Variants in AHCTF1 observed in about 807,000 individuals in gnomAD.
AHCTF1 encodes the protein AT-hook containing transcription factor 1.
A neutral mutation model predicts 248.4 loss-of-function variants in AHCTF1; 24 were observed. The ratio of observed to expected loss-of-function variants is 0.10; its 90% confidence interval spans 0.07 to 0.14. AHCTF1 has a LOEUF of 0.14. AHCTF1 is among the 10% of genes least tolerant of loss of function. The pLI is 1.00. For synonymous variants in AHCTF1, 786 were observed against 929.8 expected (o/e 0.85, Z 2.81); for missense variants, 2,206 against 2,636.2 (o/e 0.84, Z 3.57).
chr1:246,857,799 G>A lies in AHCTF1; in HGVS notation c.4148C>T (p.Ala1383Val). 3 of 1,611,300 alleles carry A rather than the reference G, an allele frequency of 1.9e-6. No homozygotes were observed. Among genetic ancestry groups the A allele is most frequent in the Non-Finnish European group, 2.5e-6 (3 of 1,177,912 alleles). Residue 1383 changes from alanine (A) to valine (V), a missense_variant, in exon 30 of 36, where the codon GCA becomes GTA. Transcript: ENST00000648844. ...LQKQMGNLED[A>V]ETKDLLVAAE... ...TGCAACTAAGAGATCCTTTGTTTCTGCATCTTCTAAATTGCCTATAAGTCA... is the reference window on the plus strand; with the variant it reads ...TGCAACTAAGAGATCCTTTGTTTCTACATCTTCTAAATTGCCTATAAGTCA...
At chr1:246,894,390 G>A (rs1572427847) in intron 14 of AHCTF1, among the ~76,000 whole-genome samples, 1 of 152,226 alleles carries the variant, frequency 6.6e-6, no homozygotes, top group Non-Finnish European at 1.5e-5. Flanking sequence ...GGCTAACACG[G>A]TGAAACCCCG....
rs80056231 is a variant in AHCTF1 at position 246,931,053 on chromosome 1, G to T, written c.-8+525C>A. 5.1e-3 allele frequency: 7,738 copies of T among 1,525,488 alleles called. 353 individuals carry two copies. In the African/African-American group the frequency reaches 0.096, roughly 19 times the overall value. The allele number at this position is 1,525,488 out of a possible 1,614,324, so 94.5% of individuals were successfully genotyped here. Reference sequence around the variant, plus strand: ...ATGTGCTTTTATTTTAAATCTCCTTGATCTGACCAATCGGGTGAGCTGGAA... The same window carrying T: ...ATGTGCTTTTATTTTAAATCTCCTTTATCTGACCAATCGGGTGAGCTGGAA... On this transcript the variant is annotated intron_variant, in intron 1 of 35. Coordinates refer to ENST00000648844, the MANE Select transcript of AHCTF1 (RefSeq NM_001323342.2).
Position 246,877,142 on chromosome 1 carries a change from A to G in AHCTF1, c.2805+16T>C, listed in dbSNP as rs372609681. ...TATCTTGAATTTCTGACAAGTTTAC[A>G]TCGGTAAGTAATTACCTGCTCAGTG... On this transcript the variant is annotated intron_variant, in intron 22 of 35. Coordinates refer to ENST00000648844, the MANE Select transcript of AHCTF1 (RefSeq NM_001323342.2). 5.6e-6 allele frequency: 9 copies of G among 1,612,648 alleles called. No homozygotes were observed. In the Admixed American group the frequency reaches 1.0e-4, roughly 18 times the overall value.
intron 28 of AHCTF1, among the ~76,000 whole-genome samples, chr1:246,861,637 T>TA (rs1175567222): frequency 6.6e-6 from 1 of 151,934 alleles, no homozygotes; most frequent in African/African-American, 2.4e-5. Flanking sequence ...CAATATAAGG[T>TA]AAAAACAAAG....
chr1:246,868,311 G>A (rs1198177475), intron 24 of AHCTF1, among the ~76,000 whole-genome samples: 1 of 151,944 alleles, frequency 6.6e-6, no homozygotes, highest in Admixed American at 6.6e-5. Flanking sequence ...CTAAAGTAAA[G>A]GGTTTCACCA....
intron 1 of AHCTF1, among the ~76,000 whole-genome samples, chr1:246,923,095 A>C (rs546723316): frequency 1.4e-5 from 2 of 141,736 alleles, no homozygotes; most frequent in East Asian, 4.1e-4. Flanking sequence ...GAAGTTATTT[A>C]ATCAAATAAT....
intron 24 of AHCTF1, among the ~76,000 whole-genome samples, chr1:246,871,266 T>A (rs1240949927): frequency 6.6e-6 from 1 of 152,160 alleles, no homozygotes; most frequent in East Asian, 1.9e-4. Context: ...GGTCCTCAGT[T>A]ATCCAGAGTG....
intron 1 of AHCTF1, among the ~76,000 whole-genome samples, chr1:246,923,857 G>A (rs73146606): frequency 6.6e-6 from 1 of 152,238 alleles, no homozygotes; most frequent in African/African-American, 2.4e-5. Flanking sequence ...TGAAATGAAG[G>A]GGGAAATAGA....
intron 33 of AHCTF1, among the ~76,000 whole-genome samples, chr1:246,845,045 AG>A (rs957894770): frequency 2.2e-4 from 34 of 152,208 alleles, no homozygotes; most frequent in African/African-American, 7.0e-4. Context: ...AATGTGTGGC[AG>A]GGTAGGTGGT....
intron 29 of AHCTF1, among the ~76,000 whole-genome samples, chr1:246,860,588 T>C: frequency 6.6e-6 from 1 of 152,182 alleles, no homozygotes; most frequent in South Asian, 2.1e-4. Flanking sequence ...TCTTGCTCTG[T>C]CACGCAGGCT....
intron 13 of AHCTF1, 152 bp from the exon 14 acceptor site, chr1:246,894,900 C>T (rs1664462949): frequency 3.1e-6 from 2 of 640,734 alleles, no homozygotes; most frequent in Admixed American, 2.7e-5. Context: ...TTTCTCAGTG[C>T]ACCACACCAC....
At position 246,903,811 on chromosome 1, in the gene AHCTF1, C is replaced by G. The variant is rs1024873580; in HGVS notation, c.966+138G>C. On this transcript the variant is annotated intron_variant, in intron 7 of 35. Transcript: ENST00000648844. ...CAAGATTGCACCACTGCACTCCAGC[C>G]TGGGCGACAGAGCGAGACTCTGTCT... is the stretch of plus-strand genomic sequence containing the variant. The G allele has an allele frequency of 2.3e-5, 16 of 698,206 alleles. No individual in the cohort carries two copies. The South Asian group carries it at 2.7e-4, about 12-fold the overall frequency. The allele number at this position is 698,206 out of a possible 1,614,324, so 43.3% of individuals were successfully genotyped here. A position where few individuals can be genotyped will look rare whatever the true frequency, so the allele number is the denominator to read the frequency against.
chr1:246,852,440 A>G (rs1188032610), intron 32 of AHCTF1, among the ~76,000 whole-genome samples: 2 of 152,130 alleles, frequency 1.3e-5, no homozygotes, highest in African/African-American at 4.8e-5. Flanking sequence ...AAAATTTATT[A>G]CATAAAAGTT....
intron 13 of AHCTF1, 104 bp downstream of exon 13, chr1:246,895,731 T>A (rs1413661034): frequency 1.1e-6 from 1 of 934,786 alleles, no homozygotes; most frequent in Non-Finnish European, 1.6e-6. Context: ...TGCATGTGGA[T>A]CTTCAATTAT....
intron 11 of AHCTF1, among the ~76,000 whole-genome samples, chr1:246,898,825 C>A (rs879377607): frequency 1.6e-4 from 25 of 152,228 alleles, no homozygotes; most frequent in Non-Finnish European, 3.4e-4. Flanking sequence ...CGGTGGCTCA[C>A]GCTCATAATC....
At chr1:246,913,892 A>C (rs1665973199) in intron 3 of AHCTF1, among the ~76,000 whole-genome samples, 1 of 152,196 alleles carries the variant, frequency 6.6e-6, no homozygotes, top group South Asian at 2.1e-4. Flanking sequence ...AGTAAAAACT[A>C]ATCATTCCAG....
At chr1:246,865,112 G>A (rs1661873450) in intron 26 of AHCTF1, 1 of 152,126 alleles carries the variant, frequency 6.6e-6, no homozygotes, top group African/African-American at 2.4e-5. Flanking sequence ...CAAAAGTCGG[G>A]TTTTCAGGTG....
intron 1 of AHCTF1, among the ~76,000 whole-genome samples, chr1:246,923,108 C>CAAAA (rs34474643): frequency 1.8e-5 from 2 of 111,894 alleles, no homozygotes; most frequent in African/African-American, 3.3e-5. Context: ...CAAATAATAC[C>CAAAA]AAAAAAAAAA....
chr1:246,878,396 C>CAAAA (rs1199465751), intron 21 of AHCTF1, among the ~76,000 whole-genome samples: 843 of 30,756 alleles, frequency 0.027, 168 homozygotes, highest in East Asian at 0.066. Flanking sequence ...GATTCTGTCT[C>CAAAA]AAAAAAAAAA....
Sources: gnomAD v4.1 joint callset for allele counts (sites outside exome capture counted in the v4.1 genomes callset) on GRCh38, gnomAD v4.1.1 for gene constraint, MANE v1.5 for transcripts, NCBI Gene and HGNC (gene_info 2026-07-23, HGNC 2026-07-21) for gene names.